Variants in CP observed in about 807,000 individuals in gnomAD.
The protein encoded by CP is caeruloplasmin.
A neutral mutation model predicts 122.4 loss-of-function variants in CP; 64 were observed. That is an observed-to-expected ratio of 0.52 (90% CI 0.43 to 0.64). The LOEUF is 0.64. Among genes scored for constraint, CP ranks in the 30% least tolerant of loss-of-function variants. The pLI, the probability that CP is intolerant of heterozygous loss-of-function variation, is 0.00. For missense variants in CP, 1,167 were observed against 1,284.4 expected, an observed-to-expected ratio of 0.91 and a Z score of 1.40; for synonymous variants, 440 against 436.4, an observed-to-expected ratio of 1.01 and a Z score of -0.10.
intron 2 of CP, among the ~76,000 whole-genome samples, chr3:149,210,758 C>T (rs35019965): frequency 1.3e-3 from 198 of 152,220 alleles, no homozygotes; most frequent in African/African-American, 4.7e-3. Context: ...AACATTTCTA[C>T]TCTCAATTTT....
At chr3:149,164,195 T>C (rs889640440) in intron 5 of CP, among the ~76,000 whole-genome samples, 2 of 152,212 alleles carry the variant, frequency 1.3e-5, no homozygotes, top group African/African-American at 4.8e-5. Context: ...TCACCAAGTC[T>C]CCTGGCTGAT....
intron 9 of CP, among the ~76,000 whole-genome samples, chr3:149,189,505 G>T (rs566971747): frequency 1.8e-3 from 264 of 148,010 alleles, no homozygotes; most frequent in Non-Finnish European, 2.4e-3. Flanking sequence ...AGTGAGCCAA[G>T]ATCGAGCCAC....
intron 13 of CP, 72 bp from the exon 14 acceptor site, chr3:149,182,205 G>A (rs867573903): frequency 7.6e-6 from 12 of 1,570,240 alleles, no homozygotes; most frequent in Middle Eastern, 1.7e-4. Context: ...GATCAGCAAA[G>A]ATAACTTGTT....
chr3:149,210,057 T>G, intron 3 of CP, 110 bp downstream of exon 3: 1 of 1,070,898 alleles, frequency 9.3e-7, no homozygotes, highest in Admixed American at 1.9e-5. Flanking sequence ...ACCACCTCTC[T>G]ACCTTACCTG....
chr3:149,209,848 C>T (rs894513150), intron 3 of CP, among the ~76,000 whole-genome samples: 1 of 152,096 alleles, frequency 6.6e-6, no homozygotes, highest in Non-Finnish European at 1.5e-5. Context: ...CCGTGGAGTG[C>T]CCTTTTGGTA....
chr3:149,188,490 C>CCAAAAAAAA (rs776132797), intron 9 of CP, among the ~76,000 whole-genome samples: 1 of 46,102 alleles, frequency 2.2e-5, no homozygotes, highest in African/African-American at 5.7e-5. Context: ...TTGAAGCCTC[C>CCAAAAAAAA]AAAAAAAAAA....
At chr3:149,169,954 T>A (rs1576713349), downstream of CP, among the ~76,000 whole-genome samples, 1 of 152,308 alleles carries the variant, frequency 6.6e-6, no homozygotes, top group African/African-American at 2.4e-5. Flanking sequence ...TATATGTAAC[T>A]TGTAGATTTA....
chr3:149,194,633 C>A (rs1726778806), intron 9 of CP, among the ~76,000 whole-genome samples: 1 of 151,974 alleles, frequency 6.6e-6, no homozygotes. Flanking sequence ...ATCCAAGATC[C>A]ATATAAGAGG....
chr3:149,163,082 T>C (rs562796519), intron 5 of CP, among the ~76,000 whole-genome samples: 8 of 152,328 alleles, frequency 5.3e-5, no homozygotes, highest in African/African-American at 1.9e-4. Context: ...CTAAAGAATG[T>C]CCTCTACTTA....
At chr3:149,187,573 T>C (rs977840497) in intron 10 of CP, among the ~76,000 whole-genome samples, 2 of 152,186 alleles carry the variant, frequency 1.3e-5, no homozygotes, top group African/African-American at 4.8e-5. Flanking sequence ...GTTAGAATCA[T>C]TGAGGGCTGA....
At chr3:149,201,376 C>T (rs1376753488) in intron 7 of CP, among the ~76,000 whole-genome samples, 1 of 152,086 alleles carries the variant, frequency 6.6e-6, no homozygotes, top group African/African-American at 2.4e-5. Context: ...CCGCCTCGGC[C>T]TCCCAAAGTG....
intron 6 of CP, 53 bp downstream of exon 6, chr3:149,206,115 C>T: frequency 1.9e-6 from 3 of 1,561,578 alleles, no homozygotes; most frequent in Non-Finnish European, 2.6e-6. Context: ...TTTGTAGTTC[C>T]TTTGTGCGGG....
intron 10 of CP, 139 bp downstream of exon 10, chr3:149,187,913 A>T: frequency 2.3e-6 from 2 of 861,946 alleles, no homozygotes. Flanking sequence ...AACCAGTGAG[A>T]TTACCTTCAG....
At chr3:149,178,311 G>A in intron 16 of CP, 104 bp downstream of exon 16, 2 of 887,786 alleles carry the variant, frequency 2.3e-6, no homozygotes, top group Non-Finnish European at 3.6e-6. Flanking sequence ...AGGCAGAAGT[G>A]GTTTATTTTA....
At chr3:149,201,497 C>T (rs187831530) in intron 7 of CP, among the ~76,000 whole-genome samples, 1 of 152,256 alleles carries the variant, frequency 6.6e-6, no homozygotes, top group Non-Finnish European at 1.5e-5. Context: ...TCTATTTAAA[C>T]CAAGTCACAT....
intron 4 of CP, among the ~76,000 whole-genome samples, chr3:149,166,248 G>A (rs150735969): frequency 6.6e-5 from 10 of 152,176 alleles, no homozygotes; most frequent in African/African-American, 2.2e-4. Flanking sequence ...GTGACAAAGT[G>A]GTATTGATAA....
In CP at chr3:149,186,620, G is replaced by A; in HGVS notation, c.1977C>T (p.Tyr659=). The change falls in exon 11 of 19, where the codon TAC becomes TAT. Residue 659 remains tyrosine (Y), a synonymous_variant. Coordinates refer to ENST00000264613, the MANE Select transcript of CP (RefSeq NM_000096.4). ...TCCACAGATATGTGTTTCCTGAAAA[G>A]TATATTCCATGTACATCGGCCTCAT... The part of the protein sequence containing the change: ...AGNEADVHGI[Y]FSGNTYLWRG... The A allele has an allele frequency of 6.2e-7, 1 of 1,614,198 alleles. No individual in the cohort carries two copies. The highest frequency in any genetic ancestry group is 8.5e-7 in the Non-Finnish European group (1 of 1,180,030).
chr3:149,162,536 T>A, exon 6 of CP: 1 of 988,916 alleles, frequency 1.0e-6, no homozygotes, highest in Non-Finnish European at 1.6e-6. Flanking sequence ...TGTTTCCTTT[T>A]AAAAATGTCT....
rs1028526005 is a variant in CP, at chr3:149,210,521, A to G, written c.395-142T>C. ...TGGGGATGTGTTATCCTATTTGGACACAGGAAAATGAAAGGCTAATGGCTA... is the reference window on the plus strand; with the variant it reads ...TGGGGATGTGTTATCCTATTTGGACGCAGGAAAATGAAAGGCTAATGGCTA... On this transcript the variant is annotated intron_variant, in intron 2 of 18. Transcript: ENST00000264613. 4.4e-5 allele frequency: 34 copies of G among 775,988 alleles called. No homozygotes were observed. In the Admixed American group the frequency reaches 6.5e-4, roughly 15 times the overall value. 48.1% of individuals were successfully genotyped at this position (775,988 alleles called of 1,614,324 possible). A position where few individuals can be genotyped will look rare whatever the true frequency, so the allele number is the denominator to read the frequency against.
Sources: allele counts gnomAD v4.1 joint callset (sites outside exome capture counted in the v4.1 genomes callset), GRCh38; gene constraint gnomAD v4.1.1; transcripts MANE v1.5; gene names NCBI Gene and HGNC (gene_info 2026-07-23, HGNC 2026-07-21).